GRID2: variants seen among roughly 807,000 people sequenced by gnomAD.
GRID2 encodes the protein glutamate receptor ionotropic, delta-2.
GRID2 carries 33 observed loss-of-function variants against 114.8 expected under a neutral mutation model. The observed-to-expected ratio is 0.29, with a 90% CI of 0.22 to 0.38. The LOEUF (loss-of-function observed/expected upper bound fraction) is 0.38, where lower values mean the gene tolerates loss of function less well. Among genes scored for constraint, GRID2 ranks in the 10% least tolerant of loss-of-function variants. GRID2 has a pLI of 1.00. For synonymous variants in GRID2, 505 were observed against 449.9 expected (o/e 1.12, Z -1.55); for missense variants, 1,184 against 1,257.7 (o/e 0.94, Z 0.89).
At chr4:93,471,308 A>G (rs567659048) in intron 11 of GRID2, among the ~76,000 whole-genome samples, 10 of 152,282 alleles carry the variant, frequency 6.6e-5, no homozygotes, top group Admixed American at 3.3e-4. Flanking sequence ...GGGGAAACCC[A>G]TTATCTTTCA....
chr4:92,955,509 G>A (rs1156463466), intron 2 of GRID2, among the ~76,000 whole-genome samples: 2 of 151,914 alleles, frequency 1.3e-5, no homozygotes, highest in African/African-American at 4.8e-5. Context: ...GTAGATTCTG[G>A]ATATTAGCCC....
Position 93,773,105 on chromosome 4 carries a change from A to T in GRID2, c.*607A>T, listed in dbSNP as rs1734228463. On this transcript the variant is annotated 3_prime_UTR_variant, in exon 16 of 16. Coordinates refer to ENST00000282020, the MANE Select transcript of GRID2 (RefSeq NM_001510.4). ...AGACTACAGTTAAAACTACTCTTGC[A>T]CTGCAACAGTGCATATGACCTTTAT... is the stretch of plus-strand genomic sequence containing the variant. The T allele has an allele frequency of 6.6e-6, 1 of 152,276 alleles. No individual in the cohort carries two copies. Among genetic ancestry groups the T allele is most frequent in the Non-Finnish European group, 1.5e-5 (1 of 68,076 alleles). The allele number at this position is 152,276 out of a possible 1,614,324, so 9.4% of individuals were successfully genotyped here.
intron 2 of GRID2, among the ~76,000 whole-genome samples, chr4:92,709,162 AT>A (rs1735093868): frequency 6.6e-6 from 1 of 152,106 alleles, no homozygotes; most frequent in South Asian, 2.1e-4. Flanking sequence ...ATTCTTTTGA[AT>A]TTTCTCTCAC....
chr4:93,110,666 A>C, intron 3 of GRID2, 82 bp from the exon 4 acceptor site: 6 of 900,472 alleles, frequency 6.7e-6, no homozygotes, highest in Non-Finnish European at 1.1e-5. Context: ...ACAATAATCT[A>C]TTCTGATATA....
At chr4:92,936,735 T>C (rs1750701988) in intron 2 of GRID2, among the ~76,000 whole-genome samples, 1 of 146,420 alleles carries the variant, frequency 6.8e-6, no homozygotes, top group Non-Finnish European at 1.5e-5. Context: ...TCATCAATTT[T>C]TCTGCCTCTG....
At chr4:92,860,175 C>T (rs1464241577) in intron 2 of GRID2, among the ~76,000 whole-genome samples, 1 of 151,900 alleles carries the variant, frequency 6.6e-6, no homozygotes, top group East Asian at 1.9e-4. Context: ...TGGCAAACCT[C>T]AGAACTCAAC....
intron 2 of GRID2, among the ~76,000 whole-genome samples, chr4:92,791,992 G>A (rs1349179356): frequency 2.0e-5 from 3 of 151,794 alleles, no homozygotes; most frequent in African/African-American, 2.4e-5. Context: ...ACTCCAGGCT[G>A]TCTTGTTTCC....
At chr4:92,595,955 T>C (rs1490321270) in intron 2 of GRID2, among the ~76,000 whole-genome samples, 3 of 152,138 alleles carry the variant, frequency 2.0e-5, no homozygotes, top group African/African-American at 7.2e-5. Flanking sequence ...TTCTCATTTA[T>C]ATTTCATTTA....
chr4:93,399,854 A>G (rs1199601590), intron 9 of GRID2, among the ~76,000 whole-genome samples: 1 of 152,152 alleles, frequency 6.6e-6, no homozygotes, highest in East Asian at 1.9e-4. Flanking sequence ...CTTTCAGGAC[A>G]CAGAGGAAGG....
chr4:92,336,173 T>C (rs1727154552), intron 1 of GRID2, among the ~76,000 whole-genome samples: 1 of 152,224 alleles, frequency 6.6e-6, no homozygotes, highest in Non-Finnish European at 1.5e-5. Flanking sequence ...GTATGCTTAG[T>C]AATTCTTAGA....
chr4:92,528,415 G>A (rs1725149861), intron 1 of GRID2, among the ~76,000 whole-genome samples: 1 of 151,378 alleles, frequency 6.6e-6, no homozygotes, highest in South Asian at 2.1e-4. Flanking sequence ...CTTTGTTTCA[G>A]TATTTAAAAC....
At chr4:92,542,944 T>C (rs1348490202) in intron 1 of GRID2, among the ~76,000 whole-genome samples, 2 of 152,088 alleles carry the variant, frequency 1.3e-5, no homozygotes, top group South Asian at 2.1e-4. Context: ...TTTTGCATTT[T>C]TCTGTTTCAG....
chr4:93,632,211 T>G (rs1720967294), intron 14 of GRID2, among the ~76,000 whole-genome samples: 1 of 152,234 alleles, frequency 6.6e-6, no homozygotes, highest in African/African-American at 2.4e-5. Flanking sequence ...GCAGAAGCTC[T>G]TTAGTTTAAT....
At chr4:93,201,693 A>G (rs1365701039) in intron 4 of GRID2, among the ~76,000 whole-genome samples, 1 of 152,232 alleles carries the variant, frequency 6.6e-6, no homozygotes, top group Non-Finnish European at 1.5e-5. Context: ...CTGCACTTGT[A>G]GGAACTGTTC....
At chr4:93,369,700 G>T (rs1762687377) in intron 8 of GRID2, among the ~76,000 whole-genome samples, 1 of 152,082 alleles carries the variant, frequency 6.6e-6, no homozygotes, top group South Asian at 2.1e-4. Flanking sequence ...TGTTGACCAG[G>T]CTGGTCTAAA....
At chr4:93,277,361 T>C (rs2149579354) in intron 8 of GRID2, among the ~76,000 whole-genome samples, 1 of 152,064 alleles carries the variant, frequency 6.6e-6, no homozygotes, top group South Asian at 2.1e-4. Flanking sequence ...GCATACTTTA[T>C]CTTTCCACTA....
chr4:92,545,182 T>A (rs1041261633), intron 1 of GRID2, among the ~76,000 whole-genome samples: 1 of 150,898 alleles, frequency 6.6e-6, no homozygotes, highest in African/African-American at 2.4e-5. Context: ...AAACCTATTT[T>A]CAATTTGCTA....
intron 2 of GRID2, among the ~76,000 whole-genome samples, chr4:92,772,009 A>G (rs537340958): frequency 6.6e-6 from 1 of 152,340 alleles, no homozygotes; most frequent in African/African-American, 2.4e-5. Context: ...CTGGCCTCCA[A>G]AAACGATGAT....
In GRID2 at chr4:92,939,780, A is replaced by G. The variant is rs574253735; in HGVS notation, c.245-145215A>G. Among the ~76,000 whole-genome samples the G allele has an allele frequency of 5.5e-3, 805 of 147,570 alleles. 22 individuals carry two copies. The highest frequency in any genetic ancestry group is 0.019 in the African/African-American group (766 of 41,292). On this transcript the variant is annotated intron_variant, in intron 2 of 15. Transcript: ENST00000282020. Reference sequence around the variant, plus strand: ...AAGGGATCCAGTTTCAGCTTTCTACATATGGCTAGCCAGTTTTCCCAGCAC... The same window carrying G: ...AAGGGATCCAGTTTCAGCTTTCTACGTATGGCTAGCCAGTTTTCCCAGCAC...
Sources: gnomAD v4.1 joint callset for allele counts (sites outside exome capture counted in the v4.1 genomes callset) on GRCh38, gnomAD v4.1.1 for gene constraint, MANE v1.5 for transcripts, NCBI Gene and HGNC (gene_info 2026-07-23, HGNC 2026-07-21) for gene names.